The following FOCAD variants were observed in gnomAD, a reference collection of about 807,000 sequenced individuals.
FOCAD encodes KIAA1797.
In FOCAD, 198 loss-of-function variants were observed where a neutral mutation model predicts 225.6. The observed-to-expected ratio is 0.88, with a 90% CI of 0.78 to 0.99. FOCAD has a LOEUF of 0.99. Ranked by LOEUF, FOCAD falls within the 50% of genes least tolerant of loss-of-function variation. The pLI, the probability that FOCAD is intolerant of heterozygous loss-of-function variation, is 0.00. For synonymous variants in FOCAD, 897 were observed against 755.0 expected (o/e 1.19, Z -3.08); for missense variants, 2,713 against 2,123.6 (o/e 1.28, Z -5.46).
intron 15 of FOCAD, among the ~76,000 whole-genome samples, chr9:20,846,715 G>T (rs1005761801): frequency 2.0e-5 from 3 of 152,070 alleles, no homozygotes; most frequent in Non-Finnish European, 4.4e-5. Flanking sequence ...CTAATGATAC[G>T]TATCCAGCCT....
chr9:20,867,044 T>C, intron 18 of FOCAD, 32 bp downstream of exon 18: 1 of 1,433,742 alleles, frequency 7.0e-7, no homozygotes, highest in Non-Finnish European at 9.7e-7. Flanking sequence ...CTGGTATTTC[T>C]TAATTTGCTA....
At chr9:20,918,788 T>C (rs1203595232) in intron 24 of FOCAD, among the ~76,000 whole-genome samples, 4 of 151,518 alleles carry the variant, frequency 2.6e-5, no homozygotes, top group Non-Finnish European at 5.9e-5. Context: ...ATCTTGACAA[T>C]ACTAGGAATG....
chr9:20,712,229 C>T (rs1381107431), intron 1 of FOCAD, among the ~76,000 whole-genome samples: 3 of 152,164 alleles, frequency 2.0e-5, no homozygotes, highest in African/African-American at 7.2e-5. Flanking sequence ...CTTTGTCTTC[C>T]TCACAAAACT....
At chr9:20,880,759 A>G (rs1383807432) in intron 19 of FOCAD, among the ~76,000 whole-genome samples, 1 of 152,200 alleles carries the variant, frequency 6.6e-6, no homozygotes, top group Non-Finnish European at 1.5e-5. Context: ...ATCTCTTCAG[A>G]ATGAAATTCC....
intron 1 of FOCAD, among the ~76,000 whole-genome samples, chr9:20,691,842 C>T (rs371049477): frequency 2.6e-4 from 39 of 152,146 alleles, no homozygotes; most frequent in South Asian, 6.2e-4. Flanking sequence ...GGCACGATCT[C>T]GGCTCACTGC....
chr9:20,980,853 C>T (rs1306374896), intron 37 of FOCAD, among the ~76,000 whole-genome samples: 2 of 152,210 alleles, frequency 1.3e-5, no homozygotes, highest in Non-Finnish European at 2.9e-5. Context: ...CTGTTACTAA[C>T]ATGCCCTTTC....
intron 11 of FOCAD, among the ~76,000 whole-genome samples, chr9:20,796,035 A>C (rs79278338): frequency 4.0e-5 from 6 of 150,956 alleles, no homozygotes; most frequent in African/African-American, 1.5e-4. Context: ...TCATTGTTCA[A>C]TTCCCACCTA....
At chr9:20,760,473 A>G (rs1402243870) in intron 6 of FOCAD, among the ~76,000 whole-genome samples, 1 of 152,240 alleles carries the variant, frequency 6.6e-6, no homozygotes, top group Non-Finnish European at 1.5e-5. Flanking sequence ...CTTTAGCAGT[A>G]CAATGACTTG....
At chr9:20,662,627 T>A (rs763539793) in intron 2 of FOCAD, among the ~76,000 whole-genome samples, 32 of 152,158 alleles carry the variant, frequency 2.1e-4, no homozygotes, top group African/African-American at 6.8e-4. Context: ...TTTCTATTTT[T>A]AAATTTTTTT....
intron 4 of FOCAD, among the ~76,000 whole-genome samples, chr9:20,730,962 G>T (rs569979112): frequency 3.8e-4 from 58 of 152,232 alleles, no homozygotes; most frequent in African/African-American, 1.2e-3. Context: ...CTGGCTGAGC[G>T]CAGTGGCTCA....
intron 15 of FOCAD, among the ~76,000 whole-genome samples, chr9:20,857,785 G>GTTTTT (rs35820198): frequency 9.4e-6 from 1 of 106,062 alleles, no homozygotes; most frequent in Non-Finnish European, 2.2e-5. Context: ...TTTTTTTTGA[G>GTTTTT]TTTTTTTTTT....
intron 35 of FOCAD, among the ~76,000 whole-genome samples, chr9:20,957,242 T>C (rs1243191803): frequency 1.1e-4 from 2 of 18,804 alleles, no homozygotes; most frequent in Non-Finnish European, 5.5e-4. Context: ...TTCTGTACTT[T>C]TTGTAGAGAT....
chr9:20,786,708 T>C (rs1819956610), intron 10 of FOCAD, among the ~76,000 whole-genome samples: 1 of 152,226 alleles, frequency 6.6e-6, no homozygotes, highest in Admixed American at 6.5e-5. Flanking sequence ...TATCAGATGT[T>C]TATCTTATTG....
chr9:20,761,623 T>C (rs1829607735), intron 6 of FOCAD, among the ~76,000 whole-genome samples: 1 of 152,074 alleles, frequency 6.6e-6, no homozygotes, highest in Non-Finnish European at 1.5e-5. Flanking sequence ...GGTTTCACTG[T>C]GTTAGCTAGG....
chr9:20,763,922 G>A (rs566502534), intron 6 of FOCAD, among the ~76,000 whole-genome samples: 1 of 152,270 alleles, frequency 6.6e-6, no homozygotes, highest in South Asian at 2.1e-4. Context: ...CAAAAGATTT[G>A]TAGGGTGGGA....
chr9:20,774,155 T>C (rs1818522153), intron 8 of FOCAD, among the ~76,000 whole-genome samples: 1 of 152,304 alleles, frequency 6.6e-6, no homozygotes. Context: ...GCCCCAGGTG[T>C]GTGGAAAAAT....
At chr9:20,784,581 CT>C (rs1400437523) in intron 10 of FOCAD, among the ~76,000 whole-genome samples, 7 of 152,136 alleles carry the variant, frequency 4.6e-5, no homozygotes, top group African/African-American at 1.7e-4. Context: ...CAAAATTCAT[CT>C]TTATGAAACT....
intron 40 of FOCAD, among the ~76,000 whole-genome samples, chr9:20,986,759 C>T (rs2132669525): frequency 6.6e-6 from 1 of 152,052 alleles, no homozygotes; most frequent in East Asian, 1.9e-4. Flanking sequence ...CTTCAGTTTC[C>T]CAAAACACAC....
intron 2 of FOCAD, among the ~76,000 whole-genome samples, chr9:20,668,109 G>A (rs1308788244): frequency 6.6e-6 from 1 of 152,180 alleles, no homozygotes; most frequent in East Asian, 1.9e-4. Context: ...ATACGGCAGA[G>A]AAGAAATTTG....
Sources: gnomAD v4.1 joint callset for allele counts (sites outside exome capture counted in the v4.1 genomes callset) on GRCh38, gnomAD v4.1.1 for gene constraint, MANE v1.5 for transcripts, NCBI Gene and HGNC (gene_info 2026-07-23, HGNC 2026-07-21) for gene names.